Variants in CPQ observed in about 807,000 individuals in gnomAD.
CPQ encodes Ser-Met dipeptidase.
Under a neutral mutation model 45.7 loss-of-function variants are expected in CPQ, and 37 were observed. The ratio of observed to expected loss-of-function variants is 0.81; its 90% CI spans 0.62 to 1.07. The LOEUF (loss-of-function observed/expected upper bound fraction) is 1.07. CPQ is among the 50% of genes least tolerant of loss of function. CPQ has a pLI of 0.00. For synonymous variants in CPQ, 186 were observed against 205.8 expected, an observed-to-expected ratio of 0.90 and a Z score of 0.82; for missense variants, 537 against 572.9, an observed-to-expected ratio of 0.94 and a Z score of 0.64.
At chr8:96,748,154 T>A (rs890579540) in intron 1 of CPQ, among the ~76,000 whole-genome samples, 5 of 152,244 alleles carry the variant, frequency 3.3e-5, no homozygotes, top group Non-Finnish European at 7.3e-5. Flanking sequence ...ACAGTAATCA[T>A]CAATCTCTTC....
chr8:96,933,366 T>C (rs1411127586), intron 4 of CPQ, among the ~76,000 whole-genome samples: 1 of 152,160 alleles, frequency 6.6e-6, no homozygotes, highest in Non-Finnish European at 1.5e-5. Context: ...CTCCCTCCTG[T>C]AGTAAATGGT....
intron 2 of CPQ, among the ~76,000 whole-genome samples, chr8:96,827,808 T>G (rs1442563675): frequency 6.6e-6 from 1 of 152,100 alleles, no homozygotes; most frequent in African/African-American, 2.4e-5. Flanking sequence ...GGGTATATAG[T>G]GATAGGCATT....
At chr8:96,845,156 A>G (rs1257866473) in intron 3 of CPQ, among the ~76,000 whole-genome samples, 1 of 152,174 alleles carries the variant, frequency 6.6e-6, no homozygotes, top group Non-Finnish European at 1.5e-5. Flanking sequence ...TCCTGACTAT[A>G]CTAAGTAGAG....
intron 1 of CPQ, among the ~76,000 whole-genome samples, chr8:96,682,609 A>G (rs1293403909): frequency 1.3e-5 from 2 of 152,138 alleles, no homozygotes; most frequent in Non-Finnish European, 2.9e-5. Context: ...TTTGTTTTAT[A>G]TATCTAGGTG....
At chr8:96,870,127 ATGT>A (rs1260038485) in intron 3 of CPQ, among the ~76,000 whole-genome samples, 7 of 151,954 alleles carry the variant, frequency 4.6e-5, no homozygotes, top group Non-Finnish European at 1.0e-4. Context: ...TATAAACCAC[ATGT>A]TGTCTGTCAG....
rs372552472 is a variant in CPQ, at chr8:96,766,286, C to T, written c.-34-18578C>T. Among the ~76,000 whole-genome samples the T allele has an allele frequency of 3.9e-5, 6 of 152,208 alleles. No homozygotes were observed. In the East Asian group the frequency reaches 5.8e-4, roughly 15 times the overall value. On this transcript the variant is annotated intron_variant, in intron 1 of 7. Coordinates refer to ENST00000220763, the MANE Select transcript of CPQ (RefSeq NM_016134.4). ...TCCATCAGGTGGGGAGTGTGACTTC[C>T]GGAGCACACTACACAGAGGAGACTT... is the stretch of plus-strand genomic sequence containing the variant.
At chr8:96,979,768 C>T (rs190373538) in intron 5 of CPQ, among the ~76,000 whole-genome samples, 13 of 152,170 alleles carry the variant, frequency 8.5e-5, no homozygotes, top group African/African-American at 2.9e-4. Flanking sequence ...AGGAAAAGAA[C>T]GTTTCTACTG....
intron 3 of CPQ, among the ~76,000 whole-genome samples, chr8:96,843,912 G>C (rs1231238818): frequency 2.6e-5 from 4 of 152,112 alleles, no homozygotes; most frequent in Non-Finnish European, 4.4e-5. Flanking sequence ...TATAATTAAT[G>C]GTCTGTTTGC....
At chr8:96,983,924 A>G (rs1421616942) in intron 5 of CPQ, among the ~76,000 whole-genome samples, 4 of 151,700 alleles carry the variant, frequency 2.6e-5, no homozygotes, top group African/African-American at 9.7e-5. Flanking sequence ...TGACAATAGC[A>G]GTTAACAGGG....
chr8:97,001,499 T>G (rs1809279206), intron 5 of CPQ, among the ~76,000 whole-genome samples: 1 of 151,978 alleles, frequency 6.6e-6, no homozygotes, highest in Admixed American at 6.6e-5. Context: ...CTATTGAGAT[T>G]ATCATGCGGT....
intron 2 of CPQ, among the ~76,000 whole-genome samples, chr8:96,826,410 G>A (rs1468604183): frequency 6.6e-6 from 1 of 151,898 alleles, no homozygotes; most frequent in East Asian, 1.9e-4. Context: ...GTAATGCTAT[G>A]ATAACAAACA....
rs200681109 is a variant in CPQ at position 96,964,615 on chromosome 8, TA to T, written c.850-1311del. 1.7e-3 allele frequency among the ~76,000 whole-genome samples: 258 copies of T among 151,332 alleles called. 3 individuals are homozygous for T. Among genetic ancestry groups the T allele is most frequent in the Admixed American group, 0.013 (196 of 15,174 alleles). On this transcript the variant is annotated intron_variant, in intron 4 of 7. Transcript: ENST00000220763. ...CTTTTGATGACTAGCTTTCCTAGTT[TA>T]AAAAAAAACACTCTCACATATTAAA...
intron 2 of CPQ, among the ~76,000 whole-genome samples, chr8:96,817,818 T>A (rs2130834271): frequency 6.6e-6 from 1 of 152,168 alleles, no homozygotes; most frequent in Non-Finnish European, 1.5e-5. Context: ...TCTCACTATG[T>A]TGCCCAAGCT....
chr8:96,671,022 G>T (rs1328851471), intron 1 of CPQ, among the ~76,000 whole-genome samples: 1 of 152,148 alleles, frequency 6.6e-6, no homozygotes, highest in East Asian at 1.9e-4. Context: ...TTTGTAGGAT[G>T]CTGCACTGGG....
At chr8:97,043,556 T>C (rs1810173910) in intron 6 of CPQ, among the ~76,000 whole-genome samples, 1 of 152,222 alleles carries the variant, frequency 6.6e-6, no homozygotes, top group Non-Finnish European at 1.5e-5. Context: ...TTTTGATCGT[T>C]AGTTGATGCA....
intron 3 of CPQ, among the ~76,000 whole-genome samples, chr8:96,859,354 A>G (rs1811898706): frequency 6.6e-6 from 1 of 152,202 alleles, no homozygotes; most frequent in Non-Finnish European, 1.5e-5. Flanking sequence ...GAACATGACA[A>G]ATAACTTGAC....
intron 6 of CPQ, among the ~76,000 whole-genome samples, chr8:97,044,062 A>G (rs1004055803): frequency 6.6e-6 from 1 of 152,172 alleles, no homozygotes; most frequent in Non-Finnish European, 1.5e-5. Context: ...TCTCCTGGAT[A>G]ATATCCTGCA....
chr8:96,752,444 A>G (rs1326428224), intron 1 of CPQ, among the ~76,000 whole-genome samples: 3 of 152,086 alleles, frequency 2.0e-5, no homozygotes, highest in Non-Finnish European at 4.4e-5. Flanking sequence ...TTGTTGGTGT[A>G]TAGTAATGCT....
intron 4 of CPQ, among the ~76,000 whole-genome samples, chr8:96,901,589 G>T (rs1317960990): frequency 1.3e-5 from 2 of 152,186 alleles, no homozygotes; most frequent in Non-Finnish European, 2.9e-5. Flanking sequence ...AATGTGTAAA[G>T]CTCATGCAGT....
Sources: gnomAD v4.1 joint callset for allele counts (sites outside exome capture counted in the v4.1 genomes callset) on GRCh38, gnomAD v4.1.1 for gene constraint, MANE v1.5 for transcripts, NCBI Gene and HGNC (gene_info 2026-07-23, HGNC 2026-07-21) for gene names.